COLEC12: variants seen among roughly 807,000 people sequenced by gnomAD.
The protein encoded by COLEC12 is collectin-12.
COLEC12 carries 33 observed loss-of-function variants against 71.1 expected under a neutral mutation model. The ratio of observed to expected loss-of-function variants is 0.46; its 90% CI spans 0.35 to 0.62. The LOEUF is 0.62. COLEC12 is among the 20% of genes least tolerant of loss of function. COLEC12 has a pLI of 0.00. For synonymous variants in COLEC12, 350 were observed against 353.0 expected (o/e 0.99, Z 0.10); for missense variants, 765 against 916.1 (o/e 0.84, Z 2.13).
rs978992641 is a variant in COLEC12 at position 316,765 on chromosome 18, T to A, written c.*3280A>T. On this transcript the variant is annotated 3_prime_UTR_variant, in exon 10 of 10. Coordinates refer to ENST00000400256, the MANE Select transcript of COLEC12 (RefSeq NM_130386.3). ...TAGAAAAGGAAAAGAAAGTTTTTAT[T>A]TTTTGCCTTGTTGTGCATTCATTCT... 17 of 152,144 alleles carry A rather than the reference T, an allele frequency of 1.1e-4. No homozygotes were observed. The highest frequency in any genetic ancestry group is 4.1e-4 in the African/African-American group (17 of 41,424). The allele number at this position is 152,144 out of a possible 1,614,324, so 9.4% of individuals were successfully genotyped here.
chr18:485,794 T>C (rs1253058641), intron 1 of COLEC12, among the ~76,000 whole-genome samples: 1 of 152,248 alleles, frequency 6.6e-6, no homozygotes, highest in East Asian at 1.9e-4. Context: ...AGTTGGGCAC[T>C]AGCACTACAG....
At chr18:366,823 C>A (rs1914866242) in intron 2 of COLEC12, among the ~76,000 whole-genome samples, 1 of 152,202 alleles carries the variant, frequency 6.6e-6, no homozygotes, top group Admixed American at 6.5e-5. Flanking sequence ...ATCTCACTGT[C>A]CTGTGGGCCG....
At chr18:377,445 G>A (rs1915138299) in intron 2 of COLEC12, among the ~76,000 whole-genome samples, 1 of 152,208 alleles carries the variant, frequency 6.6e-6, no homozygotes, top group South Asian at 2.1e-4. Flanking sequence ...AGTGTGCGCT[G>A]GGATATGCCA....
rs994727172 is a variant in COLEC12, at chr18:335,641, G to A, written c.1328-411C>T. On this transcript the variant is annotated intron_variant, in intron 5 of 9. Coordinates refer to ENST00000400256, the MANE Select transcript of COLEC12 (RefSeq NM_130386.3). ...CCTGCAAACCAAGGAGGGAGGCCTC[G>A]GAGGAAACAACACTGCTGACACCTT... Among the ~76,000 whole-genome samples, 13 of 152,136 alleles carry A rather than the reference G, an allele frequency of 8.5e-5. No individual in the cohort carries two copies. The East Asian group carries it at 1.4e-3, about 16-fold the overall frequency.
At chr18:429,422 C>T (rs2143670607) in intron 2 of COLEC12, among the ~76,000 whole-genome samples, 1 of 151,386 alleles carries the variant, frequency 6.6e-6, no homozygotes, top group East Asian at 1.9e-4. Flanking sequence ...CACTTTGTTG[C>T]CCAGGCTGGA....
intron 2 of COLEC12, among the ~76,000 whole-genome samples, chr18:357,815 A>G (rs1414375740): frequency 6.6e-6 from 1 of 152,246 alleles, no homozygotes; most frequent in Non-Finnish European, 1.5e-5. Flanking sequence ...TGGCATCATT[A>G]GGCAATTTCA....
At chr18:374,507 T>C (rs1915071047) in intron 2 of COLEC12, among the ~76,000 whole-genome samples, 1 of 152,148 alleles carries the variant, frequency 6.6e-6, no homozygotes, top group African/African-American at 2.4e-5. Context: ...TTGGGCATGA[T>C]TTCAGGAGAT....
intron 2 of COLEC12, among the ~76,000 whole-genome samples, chr18:475,904 G>A (rs185166422): frequency 9.4e-4 from 143 of 152,334 alleles, no homozygotes; most frequent in Middle Eastern, 3.4e-3. Context: ...GGCAGGGCTG[G>A]GTTCCCTTCA....
chr18:471,914 G>A (rs1177309570), intron 2 of COLEC12, among the ~76,000 whole-genome samples: 1 of 152,090 alleles, frequency 6.6e-6, no homozygotes, highest in Admixed American at 6.5e-5. Context: ...AGGGAAAGTA[G>A]ACAGAAGGCC....
At chr18:465,879 C>T (rs1917075273) in intron 2 of COLEC12, among the ~76,000 whole-genome samples, 1 of 151,984 alleles carries the variant, frequency 6.6e-6, no homozygotes, top group Non-Finnish European at 1.5e-5. Context: ...TCGAGACCAG[C>T]CTGGGCAACA....
intron 2 of COLEC12, among the ~76,000 whole-genome samples, chr18:446,950 G>C (rs1916666227): frequency 6.6e-6 from 1 of 152,152 alleles, no homozygotes; most frequent in South Asian, 2.1e-4. Flanking sequence ...AGTTTACCTA[G>C]AGTGGTCAGT....
intron 2 of COLEC12, among the ~76,000 whole-genome samples, chr18:400,870 T>TTGTGTG (rs112091244): frequency 6.6e-6 from 1 of 151,294 alleles, no homozygotes; most frequent in African/African-American, 2.4e-5. Flanking sequence ...AAATAACAAT[T>TTGTGTG]TGTGTGTGTG....
At chr18:321,561 T>C (rs1473383360) in intron 9 of COLEC12, 101 bp downstream of exon 9, 6 of 1,301,686 alleles carry the variant, frequency 4.6e-6, no homozygotes, top group Non-Finnish European at 6.5e-6. Flanking sequence ...GGCTGAAACC[T>C]AATTGCAGTG....
rs372390894 is a variant in COLEC12 at position 368,965 on chromosome 18, C to CTG, written c.59-11445_59-11444dup. ...TGGGCGTGACTGGAGCCAGCTTATACTGACTGGTGACCCCCAATTGTTGTT... is the reference window on the plus strand; with the variant it reads ...TGGGCGTGACTGGAGCCAGCTTATACTGTGACTGGTGACCCCCAATTGTTGTT... On this transcript the variant is annotated intron_variant, in intron 2 of 9. Transcript: ENST00000400256. 3.9e-5 allele frequency among the ~76,000 whole-genome samples: 6 copies of CTG among 152,322 alleles called. No individual in the cohort carries two copies. In the East Asian group the frequency reaches 7.7e-4, roughly 20 times the overall value.
chr18:425,594 G>A (rs1055376606), intron 2 of COLEC12, among the ~76,000 whole-genome samples: 2 of 152,102 alleles, frequency 1.3e-5, no homozygotes, highest in Non-Finnish European at 2.9e-5. Context: ...GGGAAGAGGT[G>A]GGGGAGAATA....
At chr18:417,067 C>G (rs979201141) in intron 2 of COLEC12, among the ~76,000 whole-genome samples, 8 of 151,728 alleles carry the variant, frequency 5.3e-5, no homozygotes, top group Non-Finnish European at 1.2e-4. Flanking sequence ...CACACACACT[C>G]ATTCATCACT....
In COLEC12 at chr18:318,488, G is replaced by GTTTTTTTTTT. The variant is rs71361502; in HGVS notation, c.*1547_*1556dup. 3.0e-5 allele frequency: 3 copies of GTTTTTTTTTT among 99,058 alleles called. No homozygotes were observed. The highest frequency in any genetic ancestry group is 1.4e-4 in the Admixed American group (1 of 7,330). 6.1% of individuals were successfully genotyped at this position (99,058 alleles called of 1,614,324 possible). On this transcript the variant is annotated 3_prime_UTR_variant, in exon 10 of 10. Coordinates refer to ENST00000400256, the MANE Select transcript of COLEC12 (RefSeq NM_130386.3). ...AAAGGAAGATGGGCTCAGAGGAAAG[G>GTTTTTTTTTT]TTTTTTTTTTTTTTTTTTTTTTGAG...
intron 2 of COLEC12, among the ~76,000 whole-genome samples, chr18:416,187 A>G (rs1424776387): frequency 6.6e-6 from 1 of 152,200 alleles, no homozygotes; most frequent in East Asian, 1.9e-4. Flanking sequence ...CAAACCTGAC[A>G]TTTTACAAGT....
At chr18:442,002 TACACACACACACACACACACACAC>T (rs56024245) in intron 2 of COLEC12, among the ~76,000 whole-genome samples, 7 of 120,742 alleles carry the variant, frequency 5.8e-5, no homozygotes, top group South Asian at 5.8e-4. Context: ...TCTCTCTCTC[TACACACACACACACACACACACAC>T]ACACACACAC....
Sources: allele counts gnomAD v4.1 joint callset (sites outside exome capture counted in the v4.1 genomes callset), GRCh38; gene constraint gnomAD v4.1.1; transcripts MANE v1.5; gene names NCBI Gene and HGNC (gene_info 2026-07-23, HGNC 2026-07-21).